Variants in CAPRIN2 observed in about 807,000 individuals in gnomAD.
The protein encoded by CAPRIN2 is caprin-2.
A neutral mutation model predicts 130.4 loss-of-function variants in CAPRIN2; 66 were observed. The observed-to-expected ratio is 0.51, with a 90% CI of 0.42 to 0.62. The LOEUF is 0.62. Ranked by LOEUF, CAPRIN2 falls within the 20% of genes least tolerant of loss-of-function variation. CAPRIN2 has a pLI of 0.00. For synonymous variants in CAPRIN2, 471 were observed against 444.1 expected, an observed-to-expected ratio of 1.06 and a Z score of -0.76; for missense variants, 1,185 against 1,246.6, an observed-to-expected ratio of 0.95 and a Z score of 0.74.
At chr12:30,745,400 T>C (rs1353914843) in intron 2 of CAPRIN2, among the ~76,000 whole-genome samples, 1 of 152,162 alleles carries the variant, frequency 6.6e-6, no homozygotes, top group Non-Finnish European at 1.5e-5. Flanking sequence ...AGACATTCTT[T>C]TTACTATTTG....
chr12:30,732,003 A>G (rs903014352), intron 5 of CAPRIN2, among the ~76,000 whole-genome samples: 1 of 152,086 alleles, frequency 6.6e-6, no homozygotes, highest in African/African-American at 2.4e-5. Context: ...CTCAAAATCT[A>G]TTAGATTGGG....
At chr12:30,748,467 C>T (rs1356944804) in intron 2 of CAPRIN2, among the ~76,000 whole-genome samples, 1 of 152,164 alleles carries the variant, frequency 6.6e-6, no homozygotes, top group Non-Finnish European at 1.5e-5. Context: ...AAGGTGTGTA[C>T]CTTCTTTTTG....
At position 30,715,257 on chromosome 12, in the gene CAPRIN2, G is replaced by A. The variant is rs1382473230; in HGVS notation, c.2318-116C>T. On this transcript the variant is annotated intron_variant, in intron 13 of 16. Transcript: ENST00000298892. ...ATTTGCTGCCTTTAAAAATAAATAG[G>A]AGATACATATATTCATGTATATAAT... 5.3e-6 allele frequency: 4 copies of A among 748,538 alleles called. No homozygotes were observed. The Admixed American group carries it at 7.0e-5, about 13-fold the overall frequency. The allele number at this position is 748,538 out of a possible 1,614,324, so 46.4% of individuals were successfully genotyped here.
chr12:30,740,270 A>G (rs2066814047), intron 3 of CAPRIN2, among the ~76,000 whole-genome samples: 1 of 137,342 alleles, frequency 7.3e-6, no homozygotes, highest in South Asian at 2.3e-4. Context: ...CCTTGTCTCT[A>G]AAACATAATA....
At chr12:30,720,309 C>T (rs1327609770) in intron 12 of CAPRIN2, 1 of 153,360 alleles carries the variant, frequency 6.5e-6, no homozygotes, top group Non-Finnish European at 1.5e-5. Context: ...GTCTTGAACT[C>T]CTGACCTCAA....
At chr12:30,748,828 A>G (rs2072099724) in intron 2 of CAPRIN2, among the ~76,000 whole-genome samples, 1 of 152,190 alleles carries the variant, frequency 6.6e-6, no homozygotes, top group Non-Finnish European at 1.5e-5. Flanking sequence ...TAAATATTTT[A>G]TATACCTACT....
At position 30,716,689 on chromosome 12, in the gene CAPRIN2, G is replaced by A. The variant is rs1341401882; in HGVS notation, c.2149-13C>T. On this transcript the variant is annotated splice_polypyrimidine_tract_variant and intron_variant, in intron 12 of 16. Transcript: ENST00000298892. ...TAACGTTAAATACCTTAAAAGACAA[G>A]GACACACTGAGTCATTTGGGAAGTT... The A allele has an allele frequency of 6.2e-7, 1 of 1,608,924 alleles. No homozygotes were observed. Among genetic ancestry groups the A allele is most frequent in the Non-Finnish European group, 8.5e-7 (1 of 1,177,236 alleles).
intron 13 of CAPRIN2, chr12:30,715,530 A>C: frequency 2.3e-6 from 1 of 440,068 alleles, no homozygotes; most frequent in Non-Finnish European, 4.5e-6. Context: ...AGGAGGAGTT[A>C]GTATTAAATG....
intron 14 of CAPRIN2, among the ~76,000 whole-genome samples, 186 bp from the exon 17 acceptor site, chr12:30,714,071 C>T (rs2056495221): frequency 6.6e-6 from 1 of 152,116 alleles, no homozygotes; most frequent in Non-Finnish European, 1.5e-5. Flanking sequence ...ACATTGCTGT[C>T]TTCAAATAAG....
chr12:30,714,819 A>T (rs925372993), intron 14 of CAPRIN2, 140 bp downstream of exon 16: 1 of 586,086 alleles, frequency 1.7e-6, no homozygotes, highest in African/African-American at 1.9e-5. Context: ...TATATTAAAA[A>T]TACTTTATTA....
At chr12:30,753,380 G>A in exon 1 of CAPRIN2, 1 of 1,613,202 alleles carries the variant, frequency 6.2e-7, no homozygotes, top group Non-Finnish European at 8.5e-7. Context: ...TGTGTTTAAG[G>A]CATATGAGTC....
At chr12:30,730,348 T>C (rs1399571269) in intron 6 of CAPRIN2, 66 bp from the exon 8 acceptor site, 1 of 1,084,506 alleles carries the variant, frequency 9.2e-7, no homozygotes, top group Non-Finnish European at 1.4e-6. Context: ...AGATTACAAC[T>C]ATAATTCATT....
At chr12:30,748,998 A>G (rs561207528) in intron 2 of CAPRIN2, among the ~76,000 whole-genome samples, 1 of 152,304 alleles carries the variant, frequency 6.6e-6, no homozygotes, top group South Asian at 2.1e-4. Context: ...TAAGCAAGGA[A>G]AGGAGCTAAG....
chr12:30,713,088 ATGTAAC>A (rs1402054040), intron 15 of CAPRIN2, among the ~76,000 whole-genome samples: 1 of 152,090 alleles, frequency 6.6e-6, no homozygotes, highest in Admixed American at 6.6e-5. Context: ...ATCCTACCCT[ATGTAAC>A]TGTAAGTTCT....
At chr12:30,717,272 C>T (rs1405055247) in intron 12 of CAPRIN2, among the ~76,000 whole-genome samples, 1 of 152,170 alleles carries the variant, frequency 6.6e-6, no homozygotes, top group Non-Finnish European at 1.5e-5. Context: ...TCCTGATACA[C>T]TGTATAACGC....
chr12:30,748,685 T>A (rs1019564328), intron 2 of CAPRIN2, among the ~76,000 whole-genome samples: 5 of 152,212 alleles, frequency 3.3e-5, no homozygotes, highest in Non-Finnish European at 7.3e-5. Context: ...TTCTGACTTA[T>A]CTGCATTTTC....
At chr12:30,730,121 A>C in intron 7 of CAPRIN2, 118 bp downstream of exon 8, 2 of 758,840 alleles carry the variant, frequency 2.6e-6, no homozygotes, top group Non-Finnish European at 4.5e-6. Context: ...TAAGCTAGTA[A>C]ACTGCAGAAC....
intron 11 of CAPRIN2, among the ~76,000 whole-genome samples, chr12:30,721,960 G>A (rs1350783856): frequency 2.0e-5 from 3 of 152,180 alleles, no homozygotes; most frequent in Non-Finnish European, 4.4e-5. Context: ...CTAAAACTAG[G>A]TCGTTCTTCT....
chr12:30,731,211 T>C (rs2062562396), intron 6 of CAPRIN2, 132 bp downstream of exon 7: 1 of 588,832 alleles, frequency 1.7e-6, no homozygotes, highest in Non-Finnish European at 2.9e-6. Context: ...AGGTTTATCC[T>C]GTGGTAAGTA....
Sources: gnomAD v4.1 joint callset for allele counts (sites outside exome capture counted in the v4.1 genomes callset) on GRCh38, gnomAD v4.1.1 for gene constraint, MANE v1.5 for transcripts, NCBI Gene and HGNC (gene_info 2026-07-23, HGNC 2026-07-21) for gene names.